AKR1C2: variants seen among roughly 807,000 people sequenced by gnomAD.
AKR1C2 encodes the protein aldo-keto reductase family 1 member C2, also known as 3-alpha-HSD3.
Under a neutral mutation model 39.8 loss-of-function variants are expected in AKR1C2, and 27 were observed. The ratio of observed to expected loss-of-function variants is 0.68; its 90% CI spans 0.50 to 0.93. AKR1C2 has a LOEUF of 0.93. AKR1C2 is among the 40% of genes least tolerant of loss of function. The pLI is 0.00. For missense variants in AKR1C2, 263 were observed against 365.1 expected (o/e 0.72, Z 2.28); for synonymous variants, 114 against 137.9 (o/e 0.83, Z 1.22).
At chr10:5,013,836 C>T (rs1489029068) in intron 1 of AKR1C2, among the ~76,000 whole-genome samples, 2 of 152,190 alleles carry the variant, frequency 1.3e-5, no homozygotes, top group East Asian at 1.9e-4. Flanking sequence ...CAACCTAAAA[C>T]TCTGCTCATT....
intron 4 of AKR1C2, 120 bp from the exon 5 acceptor site, chr10:4,998,867 G>A (rs1473764994): frequency 6.8e-7 from 1 of 1,469,324 alleles, no homozygotes; most frequent in Non-Finnish European, 9.1e-7. Flanking sequence ...GCTAGCCGTG[G>A]TTCTTAAAAG....
intron 1 of AKR1C2, chr10:5,015,008 T>C (rs1340498730): frequency 6.6e-6 from 1 of 152,236 alleles, no homozygotes; most frequent in Non-Finnish European, 1.5e-5. Context: ...AGAGTCACTA[T>C]AGCCTAGACA....
At chr10:5,016,912 G>A (rs1837652614) in intron 1 of AKR1C2, among the ~76,000 whole-genome samples, 1 of 152,240 alleles carries the variant, frequency 6.6e-6, no homozygotes, top group Admixed American at 6.5e-5. Flanking sequence ...CTACATGGAA[G>A]TCACCACACA....
chr10:5,014,322 G>C (rs1213088177), intron 1 of AKR1C2, among the ~76,000 whole-genome samples: 4 of 152,114 alleles, frequency 2.6e-5, no homozygotes, highest in African/African-American at 9.7e-5. Context: ...GCTGTCCTCT[G>C]CTATGGTTAC....
chr10:5,004,464 G>A (rs562642835), upstream of AKR1C2, among the ~76,000 whole-genome samples: 18 of 152,044 alleles, frequency 1.2e-4, no homozygotes, highest in Admixed American at 9.8e-4. Flanking sequence ...CCTGATGTGG[G>A]TGTAAATAAA....
upstream of AKR1C2, among the ~76,000 whole-genome samples, chr10:5,005,451 G>C (rs2131713873): frequency 6.6e-6 from 1 of 152,304 alleles, no homozygotes; most frequent in African/African-American, 2.4e-5. Flanking sequence ...GGGAGGCCAA[G>C]GTGAGCAGAT....
chr10:4,995,910 A>G (rs1837019612), intron 5 of AKR1C2, 45 bp from the exon 6 acceptor site: 6 of 1,571,462 alleles, frequency 3.8e-6, no homozygotes, highest in Middle Eastern at 1.7e-4. Flanking sequence ...TCCAAAAGTT[A>G]CATTAATATT....
chr10:4,998,652 C>T lies in AKR1C2; in HGVS notation c.543G>A (p.Gly181=). ...RLLEMILNKP[G]LKYKPVCNQV... ...GGTTGCAGACAGGCTTGTACTTGAG[C>T]CCTGGCTTGTTGAGGATCATCTCCA... is the stretch of plus-strand genomic sequence containing the variant. Residue 181 remains glycine (G), a synonymous_variant, in exon 5 of 9, where the codon GGG becomes GGA. Coordinates refer to ENST00000380753, the MANE Select transcript of AKR1C2 (RefSeq NM_001393392.1). The T allele has an allele frequency of 6.2e-7, 1 of 1,614,138 alleles. No individual in the cohort carries two copies. The highest frequency in any genetic ancestry group is 8.5e-7 in the Non-Finnish European group (1 of 1,180,022).
intron 3 of AKR1C2, chr10:5,000,325 T>A: frequency 6.6e-7 from 1 of 1,515,068 alleles, no homozygotes; most frequent in Non-Finnish European, 8.8e-7. Context: ...GGCAGAGGCT[T>A]TGAGGATTCT....
intron 1 of AKR1C2, among the ~76,000 whole-genome samples, chr10:5,011,285 T>A (rs1201604228): frequency 6.6e-6 from 1 of 152,148 alleles, no homozygotes; most frequent in Non-Finnish European, 1.5e-5. Flanking sequence ...CTCCCACTGG[T>A]GGAGACTCAG....
rs781907449 is a variant in AKR1C2 at position 5,000,590 on chromosome 10, T to C, written c.329A>G (p.Tyr110Cys). 39 of 1,613,910 alleles carry C rather than the reference T, an allele frequency of 2.4e-5. No individual in the cohort carries two copies. In the South Asian group the frequency reaches 4.2e-4, roughly 17 times the overall value. ...ERSLKNLQLD[Y>C]VDLYLIHFPV... The stretch of plus-strand genomic sequence containing the variant: ...AAAATGAATAAGATAGAGGTCAACA[T>C]AGTCCAATTGAAGATTTTTCAGTGA... The change falls in exon 3 of 9, where the codon TAT becomes TGT. Residue 110 changes from tyrosine to cysteine, a missense_variant. Physicochemically the swap from Tyr to Cys is radical, Grantham distance 194 (BLOSUM62 -2). Transcript: ENST00000380753.
At chr10:5,004,492 G>A (rs1302095191), upstream of AKR1C2, among the ~76,000 whole-genome samples, 1 of 151,992 alleles carries the variant, frequency 6.6e-6, no homozygotes, top group Non-Finnish European at 1.5e-5. Flanking sequence ...ATATGATGTG[G>A]TTTTATTGGA....
intron 5 of AKR1C2, 74 bp from the exon 6 acceptor site, chr10:4,995,939 G>T (rs1554773019): frequency 1.3e-6 from 2 of 1,530,830 alleles, no homozygotes; most frequent in African/African-American, 2.7e-5. Flanking sequence ...CAAAGTAAAA[G>T]AAGCTGAATA....
At chr10:5,002,645 G>A (rs868984839) in intron 1 of AKR1C2, among the ~76,000 whole-genome samples, 1 of 152,208 alleles carries the variant, frequency 6.6e-6, no homozygotes, top group Non-Finnish European at 1.5e-5. Flanking sequence ...TTTGGATACA[G>A]ATTTGACAGT....
At chr10:5,013,694 A>C (rs1837571665) in intron 1 of AKR1C2, 1 of 152,230 alleles carries the variant, frequency 6.6e-6, no homozygotes, top group Admixed American at 6.5e-5. Flanking sequence ...CCTTTTCTTT[A>C]GTGTGGTAAA....
intron 3 of AKR1C2, chr10:4,999,493 T>C: frequency 3.1e-6 from 3 of 971,360 alleles, no homozygotes; most frequent in Non-Finnish European, 4.4e-6. Context: ...TATGTATAAA[T>C]AAATACCATC....
At chr10:4,991,492 C>T (rs1311408592) in intron 8 of AKR1C2, among the ~76,000 whole-genome samples, 4 of 152,156 alleles carry the variant, frequency 2.6e-5, no homozygotes, top group Non-Finnish European at 5.9e-5. Context: ...ACATCTAATG[C>T]GACCACATGG....
upstream of AKR1C2, among the ~76,000 whole-genome samples, chr10:5,005,449 A>G (rs1379624528): frequency 6.6e-6 from 1 of 152,186 alleles, no homozygotes; most frequent in Non-Finnish European, 1.5e-5. Context: ...TTGGGAGGCC[A>G]AGGTGAGCAG....
chr10:4,994,603 G>A (rs1170027654), intron 7 of AKR1C2, among the ~76,000 whole-genome samples: 1 of 152,042 alleles, frequency 6.6e-6, no homozygotes, highest in Non-Finnish European at 1.5e-5. Flanking sequence ...CTGGATGGCT[G>A]GAGGATAAAG....
Sources: gnomAD v4.1 joint callset for allele counts (sites outside exome capture counted in the v4.1 genomes callset) on GRCh38, gnomAD v4.1.1 for gene constraint, MANE v1.5 for transcripts, NCBI Gene and HGNC (gene_info 2026-07-23, HGNC 2026-07-21) for gene names.